XYLT1: variants seen among roughly 807,000 people sequenced by gnomAD.
XYLT1 encodes xylosyltransferase 1, also known as beta-D-xylosyltransferase 1.
In XYLT1, 36 loss-of-function variants were observed where a neutral mutation model predicts 91.3. That is an observed-to-expected ratio of 0.39 (90% CI 0.30 to 0.52). The LOEUF is 0.52. XYLT1 is among the 20% of genes least tolerant of loss of function. The pLI is 0.68. For synonymous variants in XYLT1, 588 were observed against 532.0 expected (o/e 1.11, Z -1.45); for missense variants, 1,242 against 1,284.5 (o/e 0.97, Z 0.51).
intron 2 of XYLT1, 79 bp from the exon 3 acceptor site, chr16:17,259,577 T>C: frequency 6.0e-6 from 9 of 1,490,112 alleles, no homozygotes; most frequent in African/African-American, 1.4e-5. Context: ...GAAGAGTGAG[T>C]CATACGGACT....
chr16:17,451,239 ATGG>A (rs1408678580), intron 1 of XYLT1, among the ~76,000 whole-genome samples: 1 of 152,210 alleles, frequency 6.6e-6, no homozygotes, highest in African/African-American at 2.4e-5. Context: ...AAAACAGTTG[ATGG>A]TGGCCTGGAA....
At chr16:17,264,646 T>C (rs1030562756) in intron 2 of XYLT1, among the ~76,000 whole-genome samples, 5 of 152,144 alleles carry the variant, frequency 3.3e-5, no homozygotes, top group Admixed American at 3.3e-4. Context: ...GGCAGACCCA[T>C]AAAAAATAAC....
intron 2 of XYLT1, among the ~76,000 whole-genome samples, chr16:17,335,211 T>A (rs959940330): frequency 1.3e-5 from 2 of 151,082 alleles, no homozygotes; most frequent in Non-Finnish European, 2.9e-5. Flanking sequence ...AGAGTGAGAC[T>A]CTGTCTCAAA....
At chr16:17,213,422 T>G (rs1343806658) in intron 3 of XYLT1, among the ~76,000 whole-genome samples, 1 of 152,128 alleles carries the variant, frequency 6.6e-6, no homozygotes, top group Non-Finnish European at 1.5e-5. Flanking sequence ...CTTACCTCAT[T>G]TACTCCTCAC....
chr16:17,411,390 C>A (rs1447600534), intron 1 of XYLT1, among the ~76,000 whole-genome samples: 1 of 152,124 alleles, frequency 6.6e-6, no homozygotes, highest in Non-Finnish European at 1.5e-5. Context: ...TTAATTATAT[C>A]TAAATTTCAT....
chr16:17,362,886 TCAA>T (rs2035402966), intron 1 of XYLT1, among the ~76,000 whole-genome samples: 1 of 152,136 alleles, frequency 6.6e-6, no homozygotes, highest in Non-Finnish European at 1.5e-5. Context: ...GCCCACCAAA[TCAA>T]CAACATAGAC....
chr16:17,200,699 C>A, intron 3 of XYLT1, 45 bp from the exon 4 acceptor site: 1 of 1,593,478 alleles, frequency 6.3e-7, no homozygotes, highest in Middle Eastern at 1.7e-4. Flanking sequence ...TGAGGCTCTG[C>A]CATCCTTTGC....
intron 2 of XYLT1, among the ~76,000 whole-genome samples, chr16:17,307,554 A>C (rs747471778): frequency 6.6e-6 from 1 of 152,220 alleles, no homozygotes; most frequent in Admixed American, 6.5e-5. Context: ...TGGCAGAGAG[A>C]GAGCCAGCAG....
chr16:17,159,207 C>G (rs906302548), intron 5 of XYLT1, among the ~76,000 whole-genome samples: 1 of 152,158 alleles, frequency 6.6e-6, no homozygotes, highest in African/African-American at 2.4e-5. Context: ...GTGCCTGGCA[C>G]TGGGCTTGGC....
At chr16:17,440,306 T>C (rs1288743746) in intron 1 of XYLT1, among the ~76,000 whole-genome samples, 1 of 152,200 alleles carries the variant, frequency 6.6e-6, no homozygotes, top group African/African-American at 2.4e-5. Context: ...ACATATTCAT[T>C]GAGAAAGCAA....
chr16:17,260,028 C>T (rs570346619), intron 2 of XYLT1, among the ~76,000 whole-genome samples: 106 of 146,246 alleles, frequency 7.2e-4, no homozygotes, highest in South Asian at 6.9e-3. Context: ...AGAAACCAGC[C>T]GCAATTTTTT....
chr16:17,117,718 A>G lies in XYLT1; in HGVS notation c.2485T>C (p.Trp829Arg). 2 of 1,614,214 alleles carry G rather than the reference A, an allele frequency of 1.2e-6. No individual in the cohort carries two copies. The highest frequency in any genetic ancestry group is 1.7e-6 in the Non-Finnish European group (2 of 1,180,032). The change falls in exon 11 of 12, where the codon TGG (tryptophan) becomes CGG (arginine). Residue 829 changes from tryptophan (W) to arginine (R), a missense_variant. Transcript: ENST00000261381. ...AATTTGGTCTCTGCAACTGGCACCC[A>G]GTGGTGGAGAATTTTCACTGTCCAG... ...GVWTVKILHHWVPVAETKFLV... is the reference protein window; with the variant it reads ...GVWTVKILHHRVPVAETKFLV...
chr16:17,405,872 G>T (rs950187939), intron 1 of XYLT1, among the ~76,000 whole-genome samples: 4 of 152,162 alleles, frequency 2.6e-5, no homozygotes, highest in Admixed American at 2.0e-4. Flanking sequence ...CCATACAGAG[G>T]GGGGATGAAA....
chr16:17,263,867 C>A (rs2033762121), intron 2 of XYLT1, among the ~76,000 whole-genome samples: 1 of 152,048 alleles, frequency 6.6e-6, no homozygotes, highest in Admixed American at 6.5e-5. Context: ...TGCTACCACG[C>A]CCGGCTAATT....
chr16:17,219,873 A>G (rs2032935030), intron 3 of XYLT1, among the ~76,000 whole-genome samples: 1 of 152,180 alleles, frequency 6.6e-6, no homozygotes, highest in East Asian at 1.9e-4. Context: ...TACTAGAAAT[A>G]CAAAAAAATT....
intron 9 of XYLT1, among the ~76,000 whole-genome samples, chr16:17,133,574 C>T (rs1034848859): frequency 4.6e-5 from 7 of 152,074 alleles, no homozygotes; most frequent in African/African-American, 7.2e-5. Flanking sequence ...TACTGAGCAG[C>T]GTGGAGAAAT....
At chr16:17,313,450 T>C (rs2034581030) in intron 2 of XYLT1, among the ~76,000 whole-genome samples, 1 of 152,200 alleles carries the variant, frequency 6.6e-6, no homozygotes, top group Non-Finnish European at 1.5e-5. Context: ...TGCTGACTTT[T>C]ATGGAGTGTT....
intron 2 of XYLT1, among the ~76,000 whole-genome samples, chr16:17,337,772 TTTCTTTTTC>T (rs1383071380): frequency 0.01 from 1,124 of 111,262 alleles, 20 homozygotes; most frequent in African/African-American, 0.045. Context: ...TTCCACATTT[TTTCTTTTTC>T]TTTTTTTTTT....
intron 2 of XYLT1, among the ~76,000 whole-genome samples, chr16:17,309,922 C>T (rs145657555): frequency 0.013 from 2,010 of 151,144 alleles, 64 homozygotes; most frequent in Admixed American, 0.079. Flanking sequence ...GCATAGGTCA[C>T]GGGGGTAGGG....
Sources: allele counts gnomAD v4.1 joint callset (sites outside exome capture counted in the v4.1 genomes callset), GRCh38; gene constraint gnomAD v4.1.1; transcripts MANE v1.5; gene names NCBI Gene and HGNC (gene_info 2026-07-23, HGNC 2026-07-21).